ESR1: variants seen among roughly 807,000 people sequenced by gnomAD.
ESR1 encodes the protein estrogen receptor.
In ESR1, 12 loss-of-function variants were observed where a neutral mutation model predicts 52.7. The ratio of observed to expected loss-of-function variants is 0.23; its 90% CI spans 0.15 to 0.37. The LOEUF (loss-of-function observed/expected upper bound fraction) is 0.37. Among genes scored for constraint, ESR1 ranks in the 10% least tolerant of loss-of-function variants. The pLI is 1.00. For synonymous variants in ESR1, 305 were observed against 316.8 expected, an observed-to-expected ratio of 0.96 and a Z score of 0.39; for missense variants, 584 against 779.7, an observed-to-expected ratio of 0.75 and a Z score of 2.99.
chr6:151,828,370 G>T (rs941127147), intron 1 of ESR1, among the ~76,000 whole-genome samples: 1 of 152,168 alleles, frequency 6.6e-6, no homozygotes, highest in African/African-American at 2.4e-5. Flanking sequence ...TGTGATGAGG[G>T]CTGAGAAGAT....
chr6:152,081,815 T>A (rs546454823), intron 6 of ESR1, among the ~76,000 whole-genome samples: 1 of 152,130 alleles, frequency 6.6e-6, no homozygotes, highest in Non-Finnish European at 1.5e-5. Flanking sequence ...CCCACAGAAA[T>A]ACAAACTACC....
intron 6 of ESR1, among the ~76,000 whole-genome samples, chr6:152,080,822 G>T (rs1408637464): frequency 6.9e-6 from 1 of 145,550 alleles, no homozygotes; most frequent in Admixed American, 6.9e-5. Flanking sequence ...CAAATGGAAA[G>T]AAAAAAAAAA....
At chr6:151,705,534 A>C (rs1780123242) in intron 2 of ESR1, among the ~76,000 whole-genome samples, 1 of 152,210 alleles carries the variant, frequency 6.6e-6, no homozygotes, top group Non-Finnish European at 1.5e-5. Context: ...ATCACACATG[A>C]ATAATCAAGA....
In ESR1 at chr6:152,098,642, G is replaced by A. The variant is rs1161977743; in HGVS notation, c.1554-90G>A. 16 of 1,022,088 alleles carry A rather than the reference G, an allele frequency of 1.6e-5. No homozygotes were observed. In the South Asian group the frequency reaches 1.6e-4, roughly 10 times the overall value. The allele number at this position is 1,022,088 out of a possible 1,614,324, so 63.3% of individuals were successfully genotyped here. A position where few individuals can be genotyped will look rare whatever the true frequency, so the allele number is the denominator to read the frequency against. On this transcript the variant is annotated intron_variant, in intron 7 of 7. Transcript: ENST00000206249. The surrounding 1 kb of genome is among the most constrained non-coding windows in gnomAD (Gnocchi z 5.1). ...AGAAAGATTGCTAAGTGTCTTTGGAGTTCCTCTTCCTTCCCCTTCTAGGGA... is the reference window on the plus strand; with the variant it reads ...AGAAAGATTGCTAAGTGTCTTTGGAATTCCTCTTCCTTCCCCTTCTAGGGA...
intron 3 of ESR1, among the ~76,000 whole-genome samples, chr6:151,888,707 T>G (rs762320608): frequency 7.9e-5 from 12 of 152,190 alleles, no homozygotes; most frequent in Non-Finnish European, 1.5e-4. Flanking sequence ...AGTACTATGT[T>G]GAATAGAAGT....
chr6:152,091,969 C>A (rs539296611), intron 6 of ESR1, among the ~76,000 whole-genome samples: 1 of 152,260 alleles, frequency 6.6e-6, no homozygotes, highest in East Asian at 1.9e-4. Context: ...GGATATCCAG[C>A]CGGAGGCAGA....
At chr6:151,908,364 C>T (rs1422408472) in intron 3 of ESR1, among the ~76,000 whole-genome samples, 1 of 151,928 alleles carries the variant, frequency 6.6e-6, no homozygotes, top group Non-Finnish European at 1.5e-5. Flanking sequence ...TTATTTTATT[C>T]CCCATTTCAT....
intron 6 of ESR1, among the ~76,000 whole-genome samples, chr6:152,110,659 A>G (rs959061324): frequency 1.1e-4 from 17 of 152,324 alleles, no homozygotes; most frequent in Admixed American, 2.0e-4. Context: ...CAACCTGCAC[A>G]TGTACTCCTG....
chr6:151,916,683 G>C (rs1194358671), intron 3 of ESR1, among the ~76,000 whole-genome samples: 2 of 152,082 alleles, frequency 1.3e-5, no homozygotes, highest in African/African-American at 2.4e-5. Flanking sequence ...GACTTGCCCA[G>C]ATCAATATTT....
chr6:152,002,766 A>G (rs2042053758), intron 4 of ESR1, among the ~76,000 whole-genome samples: 1 of 152,068 alleles, frequency 6.6e-6, no homozygotes, highest in African/African-American at 2.4e-5. Flanking sequence ...GGAAAAAAAT[A>G]AAAAGAAGCT....
chr6:151,680,349 G>A (rs1017742114), intron 1 of ESR1, among the ~76,000 whole-genome samples: 1 of 151,908 alleles, frequency 6.6e-6, no homozygotes, highest in African/African-American at 2.4e-5. Flanking sequence ...GACTACAGGT[G>A]CACACCACCA....
At chr6:151,970,108 T>C (rs1005556106) in intron 4 of ESR1, among the ~76,000 whole-genome samples, 1 of 151,998 alleles carries the variant, frequency 6.6e-6, no homozygotes, top group Non-Finnish European at 1.5e-5. Context: ...TTACCATGGC[T>C]CTGATGATGA....
rs148995067 is a variant in ESR1 at position 151,954,867 on chromosome 6, C to T, written c.1096+10359C>T. 3.3e-5 allele frequency among the ~76,000 whole-genome samples: 5 copies of T among 152,214 alleles called. No homozygotes were observed. The East Asian group carries it at 7.7e-4, about 23-fold the overall frequency. ...GCTGTCTACAATTCAGAGATATAAC[C>T]TGAAAAATATGTTGTCTCTTCCCAA... On this transcript the variant is annotated intron_variant, in intron 4 of 7. Transcript: ENST00000206249.
chr6:152,029,351 G>A (rs928951681), intron 5 of ESR1, among the ~76,000 whole-genome samples: 1 of 152,168 alleles, frequency 6.6e-6, no homozygotes, highest in East Asian at 1.9e-4. Context: ...CTGAACTAAA[G>A]GAGGAAGTTC....
intron 3 of ESR1, among the ~76,000 whole-genome samples, chr6:151,940,375 C>T (rs942595733): frequency 2.6e-5 from 4 of 152,076 alleles, no homozygotes; most frequent in Non-Finnish European, 5.9e-5. Context: ...TATTTGTTAG[C>T]GCTAAGTGAA....
At chr6:151,982,623 T>G (rs962104405) in intron 4 of ESR1, among the ~76,000 whole-genome samples, 10 of 152,098 alleles carry the variant, frequency 6.6e-5, no homozygotes, top group South Asian at 2.1e-4. Context: ...TAGCTGGGAC[T>G]ATAGGCGCCC....
chr6:151,986,932 C>CGT (rs372758084), intron 4 of ESR1, among the ~76,000 whole-genome samples: 5 of 151,382 alleles, frequency 3.3e-5, no homozygotes, highest in African/African-American at 4.9e-5. Flanking sequence ...CACGCGAGCA[C>CGT]GTGTGTGTGT....
intron 2 of ESR1, among the ~76,000 whole-genome samples, chr6:151,723,776 A>G (rs1781633768): frequency 6.6e-6 from 1 of 152,092 alleles, no homozygotes; most frequent in Non-Finnish European, 1.5e-5. Context: ...AGGCTGAGGC[A>G]GGAGAATCGC....
intron 1 of ESR1, among the ~76,000 whole-genome samples, chr6:151,823,808 T>G (rs1405548666): frequency 6.6e-6 from 1 of 152,232 alleles, no homozygotes; most frequent in Non-Finnish European, 1.5e-5. Context: ...AACTCATCCT[T>G]TTTTATGGCT....
Sources: gnomAD v4.1 joint callset for allele counts (sites outside exome capture counted in the v4.1 genomes callset) on GRCh38, gnomAD v4.1.1 for gene constraint, Gnocchi (gnomAD v3.1) non-coding constraint, MANE v1.5 for transcripts, NCBI Gene and HGNC (gene_info 2026-07-23, HGNC 2026-07-21) for gene names.